BIVM: variants seen among roughly 807,000 people sequenced by gnomAD.
BIVM encodes basic, immunoglobulin-like variable motif containing, also known as basic immunoglobulin-like variable motif-containing protein.
Under a neutral mutation model 61.4 loss-of-function variants are expected in BIVM, and 31 were observed. That is an observed-to-expected ratio of 0.51 (90% CI 0.38 to 0.68). The LOEUF is 0.68. BIVM is among the 30% of genes least tolerant of loss of function. BIVM has a pLI of 0.00. For synonymous variants in BIVM, 189 were observed against 210.7 expected (o/e 0.90, Z 0.89); for missense variants, 526 against 596.0 (o/e 0.88, Z 1.22).
chr13:102,840,095 T>A lies in BIVM; in HGVS notation c.*230T>A, dbSNP rs1195518433. 5.0e-6 allele frequency: 2 copies of A among 397,536 alleles called. No individual in the cohort carries two copies. Among genetic ancestry groups the A allele is most frequent in the Non-Finnish European group, 8.8e-6 (2 of 228,116 alleles). 24.6% of individuals were successfully genotyped at this position (397,536 alleles called of 1,614,324 possible). A position where few individuals can be genotyped will look rare whatever the true frequency, so the allele number is the denominator to read the frequency against. On this transcript the variant is annotated 3_prime_UTR_variant, in exon 11 of 11. Transcript: ENST00000257336. ...ATTGTCCTTTCAAGTTAAGAGTATATAATCTGGACAGAAAATTTCACAAAA... is the reference window on the plus strand; with the variant it reads ...ATTGTCCTTTCAAGTTAAGAGTATAAAATCTGGACAGAAAATTTCACAAAA...
At chr13:102,812,074 CT>C (rs952836652) in intron 3 of BIVM, among the ~76,000 whole-genome samples, 7 of 151,274 alleles carry the variant, frequency 4.6e-5, no homozygotes, top group African/African-American at 1.2e-4. Flanking sequence ...TTCTTCAGAC[CT>C]TTTTTTTTCT....
chr13:102,837,945 T>G (rs1384579782), intron 9 of BIVM, among the ~76,000 whole-genome samples: 1 of 152,188 alleles, frequency 6.6e-6, no homozygotes, highest in Non-Finnish European at 1.5e-5. Flanking sequence ...CATATTGGAT[T>G]CAGTGTACAC....
intron 1 of BIVM, among the ~76,000 whole-genome samples, chr13:102,804,193 G>A (rs1046205249): frequency 1.3e-5 from 2 of 152,198 alleles, no homozygotes; most frequent in African/African-American, 2.4e-5. Context: ...GGTCACCCAG[G>A]CTGGAGTGCA....
intron 9 of BIVM, among the ~76,000 whole-genome samples, chr13:102,837,062 C>T (rs1881528016): frequency 6.6e-6 from 1 of 152,196 alleles, no homozygotes; most frequent in African/African-American, 2.4e-5. Flanking sequence ...AGGATCACTT[C>T]AGCTCAGGAG....
At position 102,818,364 on chromosome 13, in the gene BIVM, AT is replaced by A. The variant is rs555326330; in HGVS notation, c.605+1818del. Among the ~76,000 whole-genome samples, 9 of 152,162 alleles carry A rather than the reference AT, an allele frequency of 5.9e-5. No homozygotes were observed. In the South Asian group the frequency reaches 1.5e-3, roughly 25 times the overall value. On this transcript the variant is annotated intron_variant, in intron 4 of 10. Transcript: ENST00000257336. ...CTTAGATATCAGGCTCAATATTTAG[AT>A]TTTTTTTCTGAGTTAAAGATAAGCC...
chr13:102,816,311 C>A, intron 3 of BIVM, 117 bp from the exon 4 acceptor site: 2 of 1,034,442 alleles, frequency 1.9e-6, no homozygotes, highest in South Asian at 2.2e-5. Context: ...TTTCTTTGCA[C>A]TTTCTCAGCA....
At chr13:102,831,064 G>A (rs1278550461) in intron 7 of BIVM, among the ~76,000 whole-genome samples, 8 of 152,144 alleles carry the variant, frequency 5.3e-5, no homozygotes, top group Admixed American at 2.6e-4. Context: ...TTTAAGTTGG[G>A]ATGTGTGTAC....
At chr13:102,814,552 A>G (rs979195070) in intron 3 of BIVM, among the ~76,000 whole-genome samples, 3 of 152,188 alleles carry the variant, frequency 2.0e-5, no homozygotes, top group Non-Finnish European at 4.4e-5. Context: ...TGGGAAAACT[A>G]CTTAGGGAAT....
Position 102,840,018 on chromosome 13 carries a change from G to T in BIVM, c.*153G>T. 1 of 757,844 alleles carries T rather than the reference G, an allele frequency of 1.3e-6. No individual in the cohort carries two copies. Among genetic ancestry groups the T allele is most frequent in the South Asian group, 2.1e-5 (1 of 46,680 alleles). 46.9% of individuals were successfully genotyped at this position (757,844 alleles called of 1,614,324 possible). ...TTGTAGTTCTCCAGATACTAAGCTT[G>T]TATATGATTATGGTGGGTGATTTCA... On this transcript the variant is annotated 3_prime_UTR_variant, in exon 11 of 11. Transcript: ENST00000257336.
intron 8 of BIVM, among the ~76,000 whole-genome samples, chr13:102,832,168 A>G (rs1881140140): frequency 6.6e-6 from 1 of 152,192 alleles, no homozygotes; most frequent in Non-Finnish European, 1.5e-5. Flanking sequence ...TTCAGTCATT[A>G]TAGGAAAAAG....
intron 7 of BIVM, among the ~76,000 whole-genome samples, chr13:102,824,828 T>C (rs1880549322): frequency 6.6e-6 from 1 of 152,246 alleles, no homozygotes; most frequent in South Asian, 2.1e-4. Context: ...GCTGTGATCA[T>C]GGCTTACTGC....
At chr13:102,823,620 G>GTCACCA in intron 7 of BIVM, among the ~76,000 whole-genome samples, 1 of 152,228 alleles carries the variant, frequency 6.6e-6, no homozygotes, top group South Asian at 2.1e-4. Flanking sequence ...TAGTGAGACT[G>GTCACCA]TCACCACACT....
Position 102,812,649 on chromosome 13 carries a change from T to C in BIVM, c.479-3779T>C, listed in dbSNP as rs138964273. On this transcript the variant is annotated intron_variant, in intron 3 of 10. Transcript: ENST00000257336. ...GAGTGTGTACAGTGATTTTCTACAT[T>C]TCCCTGTATAAGTGATTGCTTTTGA... Among the ~76,000 whole-genome samples the C allele has an allele frequency of 2.4e-4, 37 of 152,302 alleles. No homozygotes were observed. In the East Asian group the frequency reaches 6.2e-3, roughly 25 times the overall value.
In BIVM at chr13:102,839,806, A is replaced by G. The variant is rs1195891285; in HGVS notation, c.1453A>G (p.Ile485Val). 4 of 1,614,020 alleles carry G rather than the reference A, an allele frequency of 2.5e-6. No individual in the cohort carries two copies. In the Admixed American group the frequency reaches 5.0e-5, roughly 20 times the overall value. The change falls in exon 11 of 11, where the codon ATC becomes GTC. Residue 485 changes from isoleucine to valine, a missense_variant. Transcript: ENST00000257336. Reference sequence around the variant, plus strand: ...CTCGGCATGGAAAAAGATGTCTAGTATCCATGAGAGAAGGAACAGTGGTTA... The same window carrying G: ...CTCGGCATGGAAAAAGATGTCTAGTGTCCATGAGAGAAGGAACAGTGGTTA... Reference protein sequence around the residue: ...QDSAWKKMSSIHERRNSGYQG... With the variant: ...QDSAWKKMSSVHERRNSGYQG...
chr13:102,839,277 G>A (rs7984308), intron 10 of BIVM, among the ~76,000 whole-genome samples: 1,957 of 152,272 alleles, frequency 0.013, 33 homozygotes, highest in African/African-American at 0.045. Context: ...GAGAGGAAAA[G>A]GAATGATCTT....
At chr13:102,801,484 C>T (rs1220602755) in intron 1 of BIVM, 1 of 151,984 alleles carries the variant, frequency 6.6e-6, no homozygotes, top group Non-Finnish European at 1.5e-5. Flanking sequence ...AACTCCTGAC[C>T]TCAGATGATC....
chr13:102,831,531 G>A lies in BIVM; in HGVS notation c.902-34G>A, dbSNP rs769511501. 20 of 1,613,154 alleles carry A rather than the reference G, an allele frequency of 1.2e-5. No homozygotes were observed. In the Admixed American group the frequency reaches 2.8e-4, roughly 23 times the overall value. ...GTAAAGCATGGACACTGCTTTATGG[G>A]CTTTCAGTTTGTGTGTTTGTTTGTT... On this transcript the variant is annotated intron_variant, in intron 7 of 10. Coordinates refer to ENST00000257336, the MANE Select transcript of BIVM (RefSeq NM_017693.4).
At position 102,831,602 on chromosome 13, in the gene BIVM, A is replaced by G; in HGVS notation, c.939A>G (p.Lys313=). 6.2e-7 allele frequency: 1 copy of G among 1,614,206 alleles called. No homozygotes were observed. The highest frequency in any genetic ancestry group is 8.5e-7 in the Non-Finnish European group (1 of 1,180,036). ...GALSKLTRGL[K]DESLAYIYHC... ...TGTCAAAGTTAACCCGTGGATTGAA[A>G]GATGAATCGCTGGCTTATATCTATC... The change falls in exon 8 of 11, where the codon AAA becomes AAG. Residue 313 remains lysine, a synonymous_variant. Coordinates refer to ENST00000257336, the MANE Select transcript of BIVM (RefSeq NM_017693.4).
intron 8 of BIVM, among the ~76,000 whole-genome samples, chr13:102,833,327 G>GTTTTTTCTTTTTTTTTT (rs1881233548): frequency 1.3e-5 from 1 of 79,598 alleles, no homozygotes; most frequent in Non-Finnish European, 2.6e-5. Flanking sequence ...GATAGGATGG[G>GTTTTTTCTTTTTTTTTT]TTTTTTTTTT....
Sources: gnomAD v4.1 joint callset for allele counts (sites outside exome capture counted in the v4.1 genomes callset) on GRCh38, gnomAD v4.1.1 for gene constraint, MANE v1.5 for transcripts, NCBI Gene and HGNC (gene_info 2026-07-23, HGNC 2026-07-21) for gene names.